Variants in LTBP1 observed in about 807,000 individuals in gnomAD.
LTBP1 encodes the protein latent transforming growth factor beta binding protein 1.
LTBP1 carries 129 observed loss-of-function variants against 207.6 expected under a neutral mutation model. That is an observed-to-expected ratio of 0.62 (90% CI 0.54 to 0.72). The LOEUF (loss-of-function observed/expected upper bound fraction) is 0.72, where lower values mean the gene tolerates loss of function less well. Ranked by LOEUF, LTBP1 falls within the 30% of genes least tolerant of loss-of-function variation. LTBP1 has a pLI of 0.00. For missense variants in LTBP1, 2,281 were observed against 2,217.2 expected, an observed-to-expected ratio of 1.03 and a Z score of -0.58; for synonymous variants, 963 against 833.7, an observed-to-expected ratio of 1.16 and a Z score of -2.67.
intron 19 of LTBP1, among the ~76,000 whole-genome samples, chr2:33,282,132 T>G (rs976780686): frequency 6.6e-6 from 1 of 151,544 alleles, no homozygotes; most frequent in African/African-American, 2.4e-5. Context: ...AAAACTAATT[T>G]TACTTTGTCA....
At chr2:33,300,812 AATT>A (rs536447563) in intron 21 of LTBP1, among the ~76,000 whole-genome samples, 100 of 152,264 alleles carry the variant, frequency 6.6e-4, no homozygotes, top group African/African-American at 2.3e-3. Flanking sequence ...TAAGAAGAAA[AATT>A]ATTGCTTTCT....
At chr2:33,313,340 G>A (rs1266446918) in intron 23 of LTBP1, among the ~76,000 whole-genome samples, 1 of 152,208 alleles carries the variant, frequency 6.6e-6, no homozygotes, top group African/African-American at 2.4e-5. Flanking sequence ...AAAGGAAGAC[G>A]TTTAAACCAA....
chr2:33,302,950 TACACACACACAC>T (rs70938396), intron 22 of LTBP1, among the ~76,000 whole-genome samples: 49 of 144,900 alleles, frequency 3.4e-4, no homozygotes, highest in South Asian at 1.1e-3. Flanking sequence ...CTAATATTTT[TACACACACACAC>T]ACACACACAC....
At chr2:32,959,583 A>G (rs1002021416) in intron 2 of LTBP1, among the ~76,000 whole-genome samples, 1 of 126,138 alleles carries the variant, frequency 7.9e-6, no homozygotes, top group Non-Finnish European at 1.6e-5. Context: ...ATGTATATGT[A>G]TATATATGTA....
chr2:33,229,370 A>T (rs1333272735), intron 9 of LTBP1, among the ~76,000 whole-genome samples: 1 of 152,064 alleles, frequency 6.6e-6, no homozygotes, highest in Non-Finnish European at 1.5e-5. Flanking sequence ...AGCTACTGAG[A>T]AGCTGAGGCA....
At chr2:33,114,134 G>A (rs947041748) in intron 4 of LTBP1, among the ~76,000 whole-genome samples, 1 of 152,206 alleles carries the variant, frequency 6.6e-6, no homozygotes, top group Non-Finnish European at 1.5e-5. Context: ...GAGCCACCAT[G>A]CCCAGCCGGT....
intron 5 of LTBP1, among the ~76,000 whole-genome samples, chr2:33,153,857 C>T (rs780803083): frequency 8.2e-6 from 1 of 122,552 alleles, no homozygotes; most frequent in African/African-American, 3.1e-5. Flanking sequence ...GAGATCCACC[C>T]GGCTCCGTGT....
intron 2 of LTBP1, among the ~76,000 whole-genome samples, chr2:33,012,995 T>G (rs1331406554): frequency 1.3e-5 from 2 of 152,238 alleles, no homozygotes; most frequent in East Asian, 3.8e-4. Flanking sequence ...CACTTTATAG[T>G]TCTAATTTTG....
chr2:33,210,271 A>C (rs1437314311), intron 7 of LTBP1, among the ~76,000 whole-genome samples: 1 of 152,178 alleles, frequency 6.6e-6, no homozygotes, highest in Non-Finnish European at 1.5e-5. Flanking sequence ...GTTTGAGAAA[A>C]AGTACAGTCA....
chr2:33,333,896 C>G (rs540047531), intron 24 of LTBP1, among the ~76,000 whole-genome samples: 35 of 151,830 alleles, frequency 2.3e-4, no homozygotes, highest in African/African-American at 8.5e-4. Flanking sequence ...GGACTAAGCT[C>G]TGAGAAATGC....
intron 2 of LTBP1, among the ~76,000 whole-genome samples, chr2:33,004,414 T>C (rs971565724): frequency 6.6e-6 from 1 of 152,116 alleles, no homozygotes; most frequent in Non-Finnish European, 1.5e-5. Context: ...GATTTTTTTT[T>C]AAACAGCTTT....
At chr2:33,198,983 G>A (rs906441956) in intron 7 of LTBP1, among the ~76,000 whole-genome samples, 1 of 151,998 alleles carries the variant, frequency 6.6e-6, no homozygotes, top group African/African-American at 2.4e-5. Context: ...TCTTTTAATT[G>A]TGATGTTAGG....
chr2:33,077,734 T>C (rs2078164966), intron 3 of LTBP1, among the ~76,000 whole-genome samples: 1 of 152,190 alleles, frequency 6.6e-6, no homozygotes, highest in Non-Finnish European at 1.5e-5. Flanking sequence ...CAAAACGCAT[T>C]GTTGTTTTTT....
intron 31 of LTBP1, among the ~76,000 whole-genome samples, chr2:33,385,667 A>G (rs528356660): frequency 6.6e-6 from 1 of 152,212 alleles, no homozygotes; most frequent in Non-Finnish European, 1.5e-5. Context: ...CTCAGCTTCC[A>G]CCTCTGAAGC....
chr2:33,047,156 CTTTTGAATGTG>C (rs1322327364), intron 3 of LTBP1, among the ~76,000 whole-genome samples: 3 of 152,132 alleles, frequency 2.0e-5, no homozygotes, highest in Non-Finnish European at 2.9e-5. Flanking sequence ...CTTCTGCTAG[CTTTTGAATGTG>C]TTTGCTCTTG....
chr2:33,116,785 CA>C (rs756030533), intron 4 of LTBP1, among the ~76,000 whole-genome samples: 213 of 131,836 alleles, frequency 1.6e-3, no homozygotes, highest in Admixed American at 2.7e-3. Context: ...CATTAAATTG[CA>C]AAAAAAAAAA....
intron 10 of LTBP1, among the ~76,000 whole-genome samples, chr2:33,248,657 G>T (rs191713082): frequency 6.6e-6 from 1 of 150,936 alleles, no homozygotes; most frequent in East Asian, 2.0e-4. Context: ...TGCAATCTCA[G>T]CTTACTGCAA....
chr2:33,007,884 A>G (rs1687145865), intron 2 of LTBP1, among the ~76,000 whole-genome samples: 1 of 152,238 alleles, frequency 6.6e-6, no homozygotes, highest in Non-Finnish European at 1.5e-5. Flanking sequence ...ACAGATAGAA[A>G]AATTGAGATG....
At chr2:33,159,774 A>G (rs1304813087) in intron 5 of LTBP1, among the ~76,000 whole-genome samples, 1 of 152,248 alleles carries the variant, frequency 6.6e-6, no homozygotes, top group African/African-American at 2.4e-5. Flanking sequence ...TGTGTACTCA[A>G]CTTAGTTTTA....
Sources: gnomAD v4.1 joint callset for allele counts (sites outside exome capture counted in the v4.1 genomes callset) on GRCh38, gnomAD v4.1.1 for gene constraint, MANE v1.5 for transcripts, NCBI Gene and HGNC (gene_info 2026-07-23, HGNC 2026-07-21) for gene names.